The following AKAP9 variants were observed in gnomAD, a reference collection of about 807,000 sequenced individuals.
AKAP9 encodes the protein A-kinase anchoring protein 9, also known as A-kinase anchor protein 9.
A neutral mutation model predicts 488.5 loss-of-function variants in AKAP9; 311 were observed. The observed-to-expected ratio is 0.64, with a 90% CI of 0.58 to 0.70. AKAP9 has a LOEUF of 0.70. Among genes scored for constraint, AKAP9 ranks in the 30% least tolerant of loss-of-function variants. The pLI is 0.00. For missense variants in AKAP9, 4,215 were observed against 4,374.5 expected, an observed-to-expected ratio of 0.96 and a Z score of 1.03; for synonymous variants, 1,462 against 1,483.5, an observed-to-expected ratio of 0.99 and a Z score of 0.33.
chr7:91,960,155 C>G (rs746434848), intron 1 of AKAP9, among the ~76,000 whole-genome samples: 2 of 151,898 alleles, frequency 1.3e-5, no homozygotes, highest in Non-Finnish European at 2.9e-5. Context: ...ACAGCAAAAA[C>G]AAAAAACAGC....
chr7:92,042,555 G>A (rs540459520), intron 19 of AKAP9, 113 bp from the exon 20 acceptor site: 10 of 731,970 alleles, frequency 1.4e-5, no homozygotes, highest in South Asian at 1.3e-4. Flanking sequence ...TCAATTTTGT[G>A]CACAGAGGTT....
Position 92,080,062 on chromosome 7 carries a change from G to C in AKAP9, c.7929G>C (p.Leu2643=). ...EKNVLEKEKK[L]LELQKLLEGN... ...ATGTTTTAGAAAAAGAAAAGAAGCTGCTAGAACTACAGAAGCTATTGGAGG... is the reference window on the plus strand; with the variant it reads ...ATGTTTTAGAAAAAGAAAAGAAGCTCCTAGAACTACAGAAGCTATTGGAGG... The change falls in exon 31 of 50, where the codon CTG becomes CTC. Residue 2643 remains leucine (L), a synonymous_variant. Coordinates refer to ENST00000356239, the MANE Select transcript of AKAP9 (RefSeq NM_005751.5). 6.4e-7 allele frequency: 1 copy of C among 1,569,354 alleles called. No individual in the cohort carries two copies. Among genetic ancestry groups the C allele is most frequent in the East Asian group, 2.2e-5 (1 of 44,604 alleles).
At chr7:92,086,629 A>G (rs1814620954) in intron 37 of AKAP9, among the ~76,000 whole-genome samples, 1 of 152,228 alleles carries the variant, frequency 6.6e-6, no homozygotes, top group Non-Finnish European at 1.5e-5. Flanking sequence ...GAAATTAGAA[A>G]AAGAGCAACA....
chr7:92,066,009 T>C (rs1019668986), intron 25 of AKAP9, among the ~76,000 whole-genome samples: 1 of 152,210 alleles, frequency 6.6e-6, no homozygotes, highest in African/African-American at 2.4e-5. Flanking sequence ...TTTATAACTT[T>C]AGACATAAAA....
intron 2 of AKAP9, among the ~76,000 whole-genome samples, chr7:91,974,602 C>T (rs1244139800): frequency 1.3e-5 from 2 of 152,082 alleles, no homozygotes; most frequent in South Asian, 2.1e-4. Context: ...ATTTCCGTAT[C>T]AATTTTAGGG....
In AKAP9 at chr7:91,995,535, C is replaced by CA. The variant is rs1205797634; in HGVS notation, c.733-65dup. 3.5e-6 allele frequency: 5 copies of CA among 1,414,086 alleles called. No individual in the cohort carries two copies. The Admixed American group carries it at 8.9e-5, about 25-fold the overall frequency. 87.6% of individuals were successfully genotyped at this position (1,414,086 alleles called of 1,614,324 possible). A position where few individuals can be genotyped will look rare whatever the true frequency, so the allele number is the denominator to read the frequency against. On this transcript the variant is annotated intron_variant, in intron 6 of 49. Coordinates refer to ENST00000356239, the MANE Select transcript of AKAP9 (RefSeq NM_005751.5). Reference sequence around the variant, plus strand: ...CCAGAGAGCTATTGCAGGGACACCCCAAAGGTGTCTGTTCCCTAATACAGT... The same window carrying CA: ...CCAGAGAGCTATTGCAGGGACACCCCAAAAGGTGTCTGTTCCCTAATACAGT...
chr7:91,995,953 AG>A (rs1415802080), intron 7 of AKAP9, 153 bp downstream of exon 7: 3 of 643,896 alleles, frequency 4.7e-6, no homozygotes, highest in Non-Finnish European at 8.0e-6. Context: ...TGGGAATCTC[AG>A]TAATGTAGTT....
intron 1 of AKAP9, among the ~76,000 whole-genome samples, chr7:91,951,870 G>A (rs1046815535): frequency 3.0e-4 from 46 of 151,824 alleles, no homozygotes; most frequent in African/African-American, 1.0e-3. Flanking sequence ...GTGAGACTCC[G>A]TCTCAAAAAA....
intron 23 of AKAP9, among the ~76,000 whole-genome samples, chr7:92,061,675 A>T (rs1176456986): frequency 6.7e-6 from 1 of 149,016 alleles, no homozygotes; most frequent in African/African-American, 2.5e-5. Context: ...AGAAAATACC[A>T]AAAAGGATAG....
rs951438275 is a variant in AKAP9, at chr7:92,065,275, G to T, written c.6022G>T (p.Val2008Leu). 3 of 1,612,630 alleles carry T rather than the reference G, an allele frequency of 1.9e-6. No individual in the cohort carries two copies. The highest frequency in any genetic ancestry group is 2.5e-6 in the Non-Finnish European group (3 of 1,179,264). Residue 2008 changes from valine to leucine, a missense_variant, in exon 25 of 50, where the codon GTA becomes TTA. This residue lies in a region of AKAP9 where 2,361 missense variants were observed against 2,430.0 expected (regional missense o/e 0.97). Transcript: ENST00000356239. ...AAAATTAATGAAGGAAAAACTAGAA[G>T]TACAATGTCAAGCTGAAAAAGTACG... The part of the protein sequence containing the change: ...TEKLMKEKLE[V>L]QCQAEKVRDD...
At chr7:92,077,055 G>C in intron 29 of AKAP9, 48 bp downstream of exon 29, 1 of 827,932 alleles carries the variant, frequency 1.2e-6, no homozygotes, top group Non-Finnish European at 1.7e-6. Context: ...CATAGTTTCA[G>C]TCCTATATTG....
At chr7:91,972,844 A>T (rs1318683462) in intron 1 of AKAP9, among the ~76,000 whole-genome samples, 12 of 152,238 alleles carry the variant, frequency 7.9e-5, no homozygotes, top group Non-Finnish European at 1.5e-4. Flanking sequence ...AAAAATCCTG[A>T]TGATGATATG....
rs781743438 is a variant in AKAP9 at position 92,002,756 on chromosome 7, G to T, written c.2839G>T (p.Val947Leu). The change falls in exon 8 of 50, where the codon GTA becomes TTA. Residue 947 changes from valine (V) to leucine (L), a missense_variant. This residue lies in a region of AKAP9 where 2,361 missense variants were observed against 2,430.0 expected (regional missense o/e 0.97). Transcript: ENST00000356239. Reference protein sequence around the residue: ...DTTELMEKLEVTKREKLELSQ... With the variant: ...DTTELMEKLELTKREKLELSQ... The stretch of plus-strand genomic sequence containing the variant: ...AACAGAACTCATGGAAAAACTTGAG[G>T]TAACCAAGCGAGAGAAATTAGAGCT... The T allele has an allele frequency of 6.2e-7, 1 of 1,613,664 alleles. No homozygotes were observed. The highest frequency in any genetic ancestry group is 8.5e-7 in the Non-Finnish European group (1 of 1,179,718).
rs773482518 is a variant in AKAP9, at chr7:92,079,152, G to A, written c.7019G>A (p.Cys2340Tyr). 20 of 1,613,762 alleles carry A rather than the reference G, an allele frequency of 1.2e-5. No individual in the cohort carries two copies. In the South Asian group the frequency reaches 1.6e-4, roughly 13 times the overall value. Residue 2340 changes from cysteine (C) to tyrosine (Y), a missense_variant, in exon 31 of 50, where the codon TGT (cysteine) becomes TAT (tyrosine). Physicochemically the swap from Cys to Tyr is radical, Grantham distance 194. Coordinates refer to ENST00000356239, the MANE Select transcript of AKAP9 (RefSeq NM_005751.5). Reference protein sequence around the residue: ...QIECLMSDQECVKRNREEEIE... With the variant: ...QIECLMSDQEYVKRNREEEIE... Reference sequence around the variant, plus strand: ...GAATGTTTGATGAGTGATCAAGAATGTGTGAAGAGAAATAGAGAAGAAGAA... The same window carrying A: ...GAATGTTTGATGAGTGATCAAGAATATGTGAAGAGAAATAGAGAAGAAGAA...
Position 92,001,552 on chromosome 7 carries a change from G to A in AKAP9, c.1635G>A (p.Gln545=), listed in dbSNP as rs1471564069. 1.9e-6 allele frequency: 3 copies of A among 1,613,884 alleles called. No homozygotes were observed. The highest frequency in any genetic ancestry group is 2.2e-5 in the East Asian group (1 of 44,854). The change falls in exon 8 of 50, where the codon CAG becomes CAA. Residue 545 remains glutamine, a synonymous_variant. Coordinates refer to ENST00000356239, the MANE Select transcript of AKAP9 (RefSeq NM_005751.5). ...EELSFSREQI[Q]RARQTIAEQE... Reference sequence around the variant, plus strand: ...TGAGCTTTTCAAGGGAACAGATTCAGAGAGCTAGACAGACAATAGCTGAAC... The same window carrying A: ...TGAGCTTTTCAAGGGAACAGATTCAAAGAGCTAGACAGACAATAGCTGAAC...
chr7:92,016,311 T>A, intron 11 of AKAP9, 44 bp downstream of exon 11: 1 of 1,326,396 alleles, frequency 7.5e-7, no homozygotes, highest in Non-Finnish European at 1.0e-6. Context: ...TTAATCCTCT[T>A]AAATTAATTG....
intron 19 of AKAP9, 106 bp from the exon 20 acceptor site, chr7:92,042,562 G>C (rs1336678281): frequency 3.9e-6 from 3 of 775,092 alleles, no homozygotes; most frequent in Admixed American, 2.3e-5. Flanking sequence ...TGTGCACAGA[G>C]GTTTCTATTT....
rs796052200 is a variant in AKAP9 at position 92,045,186 on chromosome 7, T to A, written c.5341T>A (p.Ser1781Thr). The change falls in exon 21 of 50, where the codon TCA (serine) becomes ACA (threonine). Residue 1781 changes from serine (S) to threonine (T), a missense_variant. This residue lies in a region of AKAP9 where 2,361 missense variants were observed against 2,430.0 expected (regional missense o/e 0.97). Coordinates refer to ENST00000356239, the MANE Select transcript of AKAP9 (RefSeq NM_005751.5). ...GTCAGAAGCAGAGGCATCTGTAAAG[T>A]CATGTGTCCATGAGGAACATACAAG... ...WRSEAEASVKSCVHEEHTRVT... is the reference protein window; with the variant it reads ...WRSEAEASVKTCVHEEHTRVT... 4.3e-6 allele frequency: 7 copies of A among 1,613,936 alleles called. No individual in the cohort carries two copies. In the East Asian group the frequency reaches 1.3e-4, roughly 31 times the overall value.
Position 92,086,235 on chromosome 7 carries a change from A to G in AKAP9, c.9032A>G (p.Asp3011Gly), listed in dbSNP as rs745743634. The stretch of plus-strand genomic sequence containing the variant: ...TTATATGTACTTTGCTAGGTTTATG[A>G]TAGTTCTCAATCTCATGAGAGCTTC... The part of the protein sequence containing the change: ...MQLQREAEVY[D>G]SSQSHESFSD... Residue 3011 changes from aspartate to glycine, a missense_variant, in exon 37 of 50, where the codon GAT becomes GGT. Asp to Gly is a moderately conservative substitution (Grantham distance 94). Around this residue, in one of 5 missense-constraint regions of AKAP9, gnomAD observed 1,476 missense variants for 1,477.4 expected, o/e 1.00. Transcript: ENST00000356239. The G allele has an allele frequency of 4.0e-5, 65 of 1,613,692 alleles. No individual in the cohort carries two copies. In the East Asian group the frequency reaches 7.1e-4, roughly 18 times the overall value.
Sources: allele counts gnomAD v4.1 joint callset (sites outside exome capture counted in the v4.1 genomes callset), GRCh38; gene constraint gnomAD v4.1.1; regional missense constraint gnomAD v4.1.1; transcripts MANE v1.5; gene names NCBI Gene and HGNC (gene_info 2026-07-23, HGNC 2026-07-21).